Variants in ANGPT1 observed in about 807,000 individuals in gnomAD.
The protein encoded by ANGPT1 is angiopoietin 1.
Under a neutral mutation model 62.2 loss-of-function variants are expected in ANGPT1, and 17 were observed. The ratio of observed to expected loss-of-function variants is 0.27; its 90% confidence interval spans 0.19 to 0.41. The LOEUF (loss-of-function observed/expected upper bound fraction) is 0.41. Among genes scored for constraint, ANGPT1 ranks in the 10% least tolerant of loss-of-function variants. ANGPT1 has a pLI of 1.00. For synonymous variants in ANGPT1, 199 were observed against 198.9 expected (o/e 1.00, Z 0.00); for missense variants, 478 against 594.9 (o/e 0.80, Z 2.04).
intron 7 of ANGPT1, among the ~76,000 whole-genome samples, chr8:107,282,590 ATATATG>A (rs1212554043): frequency 2.4e-5 from 3 of 126,326 alleles, no homozygotes; most frequent in South Asian, 2.7e-4. Context: ...ATATATATAT[ATATATG>A]AGCCTCAGCT....
chr8:107,447,371 C>T (rs1425209273), intron 1 of ANGPT1, among the ~76,000 whole-genome samples: 1 of 152,202 alleles, frequency 6.6e-6, no homozygotes, highest in Non-Finnish European at 1.5e-5. Context: ...ATTATGCACT[C>T]ATGCCTTCTG....
chr8:107,390,276 C>T (rs1410188207), intron 1 of ANGPT1, among the ~76,000 whole-genome samples: 3 of 152,122 alleles, frequency 2.0e-5, no homozygotes, highest in Non-Finnish European at 4.4e-5. Context: ...GTTTATGAAA[C>T]TGAGCACATT....
At chr8:107,406,964 C>T (rs1335108553) in intron 1 of ANGPT1, among the ~76,000 whole-genome samples, 4 of 150,680 alleles carry the variant, frequency 2.7e-5, no homozygotes, top group Non-Finnish European at 4.4e-5. Context: ...GTGATGAAAG[C>T]CTGCAGTGTA....
In ANGPT1 at chr8:107,283,057, T is replaced by C. The variant is rs192099365; in HGVS notation, c.1205+1625A>G. Among the ~76,000 whole-genome samples the C allele has an allele frequency of 1.2e-3, 187 of 152,004 alleles. 1 individual carries two copies. The Middle Eastern group carries it at 0.017, about 14-fold the overall frequency. ...CACCTATGAAAAACTGAGAGACATT[T>C]TGGAAAGGAACCAAAGCAAATTCTT... is the stretch of plus-strand genomic sequence containing the variant. On this transcript the variant is annotated intron_variant, in intron 7 of 8. Coordinates refer to ENST00000517746, the MANE Select transcript of ANGPT1 (RefSeq NM_001146.5).
chr8:107,346,851 G>A (rs974923986), intron 2 of ANGPT1, 91 bp downstream of exon 2: 3 of 1,172,830 alleles, frequency 2.6e-6, no homozygotes, highest in Non-Finnish European at 2.4e-6. Flanking sequence ...CCTAATCACA[G>A]TGCTGAAATG....
At chr8:107,303,717 C>A (rs1047970930) in intron 4 of ANGPT1, among the ~76,000 whole-genome samples, 1 of 151,702 alleles carries the variant, frequency 6.6e-6, no homozygotes, top group African/African-American at 2.4e-5. Flanking sequence ...AAGTTTCCTG[C>A]AAAATCTCTA....
At chr8:107,488,456 C>T (rs1469664165) in intron 1 of ANGPT1, among the ~76,000 whole-genome samples, 2 of 152,142 alleles carry the variant, frequency 1.3e-5, no homozygotes, top group African/African-American at 2.4e-5. Flanking sequence ...TCTGTAACCT[C>T]TCCATTTGTT....
chr8:107,411,801 T>C (rs918256712), intron 1 of ANGPT1, among the ~76,000 whole-genome samples: 4 of 152,186 alleles, frequency 2.6e-5, no homozygotes, highest in Non-Finnish European at 1.5e-5. Context: ...GATCCAACTA[T>C]GCATTTGGAG....
At chr8:107,332,959 A>G (rs918412244) in intron 3 of ANGPT1, among the ~76,000 whole-genome samples, 6 of 152,178 alleles carry the variant, frequency 3.9e-5, no homozygotes, top group Non-Finnish European at 8.8e-5. Context: ...ATTTTTTTAA[A>G]ACATAAACAG....
intron 1 of ANGPT1, among the ~76,000 whole-genome samples, chr8:107,450,815 G>C (rs1395342793): frequency 2.0e-5 from 3 of 151,206 alleles, no homozygotes; most frequent in Non-Finnish European, 4.4e-5. Context: ...AGTAATAGTA[G>C]AATAAATCAT....
chr8:107,408,393 T>A (rs1338542890), intron 1 of ANGPT1, among the ~76,000 whole-genome samples: 2 of 152,214 alleles, frequency 1.3e-5, no homozygotes, highest in Non-Finnish European at 2.9e-5. Flanking sequence ...TTTGAAAAGA[T>A]TGCTTTTGAG....
chr8:107,497,653 G>A lies in ANGPT1; in HGVS notation c.-95C>T. 1 of 1,301,058 alleles carries A rather than the reference G, an allele frequency of 7.7e-7. No homozygotes were observed. Among genetic ancestry groups the A allele is most frequent in the Non-Finnish European group, 1.0e-6 (1 of 967,792 alleles). The allele number at this position is 1,301,058 out of a possible 1,614,324, so 80.6% of individuals were successfully genotyped here. Reference sequence around the variant, plus strand: ...TTCTTTATTTCAGGTAAAACTGCTTGTTTGTTTGACTCTTTCCCCCTCAAA... The same window carrying A: ...TTCTTTATTTCAGGTAAAACTGCTTATTTGTTTGACTCTTTCCCCCTCAAA... On this transcript the variant is annotated 5_prime_UTR_variant, in exon 1 of 9. The change creates a premature stop within an existing upstream ORF in the 5' untranslated region. Coordinates refer to ENST00000517746, the MANE Select transcript of ANGPT1 (RefSeq NM_001146.5).
At chr8:107,381,765 G>A (rs1433518116) in intron 1 of ANGPT1, among the ~76,000 whole-genome samples, 1 of 152,154 alleles carries the variant, frequency 6.6e-6, no homozygotes, top group Non-Finnish European at 1.5e-5. Flanking sequence ...TGGGACAGTG[G>A]GCATGACAGG....
intron 1 of ANGPT1, among the ~76,000 whole-genome samples, chr8:107,405,507 ATTGT>A (rs1817131946): frequency 6.6e-6 from 1 of 152,022 alleles, no homozygotes; most frequent in Admixed American, 6.6e-5. Context: ...TGATCAAAAC[ATTGT>A]TTAAGGAAGA....
chr8:107,350,782 C>G (rs1483470402), intron 1 of ANGPT1, among the ~76,000 whole-genome samples: 1 of 152,034 alleles, frequency 6.6e-6, no homozygotes, highest in African/African-American at 2.4e-5. Flanking sequence ...ACTTAAGTAG[C>G]AAGAACCAGA....
intron 1 of ANGPT1, among the ~76,000 whole-genome samples, chr8:107,359,270 A>C (rs1477368091): frequency 2.0e-5 from 3 of 152,158 alleles, no homozygotes; most frequent in African/African-American, 7.2e-5. Flanking sequence ...GCTCAGACAC[A>C]AGAAGGAACA....
chr8:107,315,350 G>A (rs948453367), intron 4 of ANGPT1, among the ~76,000 whole-genome samples: 2 of 151,972 alleles, frequency 1.3e-5, no homozygotes, highest in Non-Finnish European at 2.9e-5. Flanking sequence ...CCTCTACTCC[G>A]TGTGCCTCCC....
intron 3 of ANGPT1, among the ~76,000 whole-genome samples, chr8:107,328,511 T>C (rs996529510): frequency 2.0e-5 from 3 of 152,010 alleles, no homozygotes; most frequent in Non-Finnish European, 4.4e-5. Context: ...GTAATGTTTC[T>C]ATTAAAAAAT....
intron 1 of ANGPT1, among the ~76,000 whole-genome samples, chr8:107,450,197 T>C (rs1442906012): frequency 6.6e-6 from 1 of 151,998 alleles, no homozygotes; most frequent in African/African-American, 2.4e-5. Flanking sequence ...AAGGCTTGAG[T>C]TTTTAAAAAG....
Sources: gnomAD v4.1 joint callset for allele counts (sites outside exome capture counted in the v4.1 genomes callset) on GRCh38, gnomAD v4.1.1 for gene constraint, MANE v1.5 for transcripts, NCBI Gene and HGNC (gene_info 2026-07-23, HGNC 2026-07-21) for gene names.